Variants in CDH13 observed in about 807,000 individuals in gnomAD.
CDH13 encodes cadherin-13.
Under a neutral mutation model 63.8 loss-of-function variants are expected in CDH13, and 24 were observed. The ratio of observed to expected loss-of-function variants is 0.38; its 90% confidence interval spans 0.27 to 0.53. The LOEUF (loss-of-function observed/expected upper bound fraction) is 0.53, where lower values mean the gene tolerates loss of function less well. CDH13 is among the 20% of genes least tolerant of loss of function. CDH13 has a pLI of 0.85. For missense variants in CDH13, 1,049 were observed against 903.1 expected (o/e 1.16, Z -2.07); for synonymous variants, 503 against 355.3 (o/e 1.42, Z -4.67).
At chr16:83,667,483 C>CCATCCAT (rs1914100477) in intron 8 of CDH13, among the ~76,000 whole-genome samples, 1 of 152,144 alleles carries the variant, frequency 6.6e-6, no homozygotes, top group African/African-American at 2.4e-5. Context: ...GTCCACCCAT[C>CCATCCAT]CATCCATCCG....
intron 3 of CDH13, among the ~76,000 whole-genome samples, chr16:83,075,341 G>T (rs945700419): frequency 1.3e-5 from 2 of 152,208 alleles, no homozygotes; most frequent in East Asian, 3.8e-4. Flanking sequence ...TGTGACAATG[G>T]CATGACCAAG....
chr16:83,569,702 G>C (rs1904395140), intron 7 of CDH13, among the ~76,000 whole-genome samples: 1 of 152,072 alleles, frequency 6.6e-6, no homozygotes. Context: ...CTCTCTGCCT[G>C]TCTGTCTCTC....
At chr16:83,073,953 A>G (rs571242628) in intron 3 of CDH13, among the ~76,000 whole-genome samples, 1 of 152,188 alleles carries the variant, frequency 6.6e-6, no homozygotes, top group African/African-American at 2.4e-5. Flanking sequence ...AATTTAGAAT[A>G]TCCATCATCA....
rs1022589938 is a variant in CDH13, at chr16:83,539,630, T to C, written c.960+52975T>C. 2.0e-5 allele frequency among the ~76,000 whole-genome samples: 3 copies of C among 152,258 alleles called. No homozygotes were observed. The East Asian group carries it at 5.8e-4, about 29-fold the overall frequency. On this transcript the variant is annotated intron_variant, in intron 7 of 13. Coordinates refer to ENST00000567109, the MANE Select transcript of CDH13 (RefSeq NM_001257.5). ...TTGGTAACAGCGATAATGATAATTC[T>C]AGCTGATATTTTCAGAGCATTTTCT...
intron 4 of CDH13, among the ~76,000 whole-genome samples, chr16:83,204,667 G>A (rs1029125269): frequency 1.3e-5 from 2 of 152,250 alleles, no homozygotes; most frequent in South Asian, 4.2e-4. Context: ...GCTAAATACT[G>A]TGTGTGTTAA....
intron 5 of CDH13, among the ~76,000 whole-genome samples, chr16:83,343,852 A>G (rs545475572): frequency 1.3e-5 from 2 of 152,314 alleles, no homozygotes; most frequent in African/African-American, 4.8e-5. Flanking sequence ...CCTCTGTAAA[A>G]AGATCCAAAG....
At chr16:83,331,422 T>A (rs1362764870) in intron 5 of CDH13, among the ~76,000 whole-genome samples, 2 of 152,216 alleles carry the variant, frequency 1.3e-5, no homozygotes, top group Non-Finnish European at 2.9e-5. Flanking sequence ...TTAATGTGTG[T>A]TTCTTTCTCA....
chr16:83,510,736 A>G (rs937462353), intron 7 of CDH13, among the ~76,000 whole-genome samples: 20 of 152,188 alleles, frequency 1.3e-4, no homozygotes, highest in Non-Finnish European at 1.6e-4. Flanking sequence ...GTCTAAGCCA[A>G]AGGGGGTTTG....
intron 1 of CDH13, among the ~76,000 whole-genome samples, chr16:82,739,639 A>T (rs895588403): frequency 6.6e-6 from 1 of 152,220 alleles, no homozygotes; most frequent in Non-Finnish European, 1.5e-5. Flanking sequence ...ATTTGCCTTT[A>T]ATTATTTAAA....
chr16:82,639,465 G>T lies in CDH13; in HGVS notation c.45+12328G>T, dbSNP rs1257529306. 4 of 1,529,200 alleles carry T rather than the reference G, an allele frequency of 2.6e-6. No individual in the cohort carries two copies. The Admixed American group carries it at 5.9e-5, about 22-fold the overall frequency. 94.7% of individuals were successfully genotyped at this position (1,529,200 alleles called of 1,614,324 possible). On this transcript the variant is annotated intron_variant, in intron 1 of 13. Transcript: ENST00000567109. ...ACCCACCTGCAGCTTCAACCATGCA[G>T]GTAAATTTGCCTGCTGCTGTGTCGT...
rs372553475 is a variant in CDH13 at position 83,580,236 on chromosome 16, A to C, written c.961-22218A>C. Among the ~76,000 whole-genome samples the C allele has an allele frequency of 5.9e-5, 9 of 152,084 alleles. No homozygotes were observed. The East Asian group carries it at 1.7e-3, about 29-fold the overall frequency. Reference sequence around the variant, plus strand: ...TGTCAGCAAGATCATTTTAATAAATATGTGCGTGAGGTGATGCTATGGAAC... The same window carrying C: ...TGTCAGCAAGATCATTTTAATAAATCTGTGCGTGAGGTGATGCTATGGAAC... On this transcript the variant is annotated intron_variant, in intron 7 of 13. Coordinates refer to ENST00000567109, the MANE Select transcript of CDH13 (RefSeq NM_001257.5).
chr16:83,217,183 G>A (rs1170341984), intron 4 of CDH13, among the ~76,000 whole-genome samples, 162 bp from the exon 5 acceptor site: 1 of 152,198 alleles, frequency 6.6e-6, no homozygotes, highest in Non-Finnish European at 1.5e-5. Context: ...GCGTTAGGCA[G>A]TGATGCTATT....
intron 1 of CDH13, among the ~76,000 whole-genome samples, chr16:82,823,030 A>G (rs1445532203): frequency 1.3e-5 from 2 of 152,130 alleles, no homozygotes; most frequent in African/African-American, 4.8e-5. Flanking sequence ...GGCTGCCTTG[A>G]CATCTCTCTA....
chr16:83,425,682 G>T (rs977840113), intron 6 of CDH13, among the ~76,000 whole-genome samples: 1 of 152,108 alleles, frequency 6.6e-6, no homozygotes, highest in African/African-American at 2.4e-5. Flanking sequence ...CTCACCTTTA[G>T]AGAAACTTGA....
intron 5 of CDH13, among the ~76,000 whole-genome samples, chr16:83,277,601 A>G (rs1282747805): frequency 2.0e-5 from 3 of 152,106 alleles, no homozygotes; most frequent in East Asian, 1.9e-4. Context: ...CATCCCTCTC[A>G]TATCTCATGT....
chr16:83,409,265 T>G (rs2151454096), intron 6 of CDH13, among the ~76,000 whole-genome samples: 1 of 151,974 alleles, frequency 6.6e-6, no homozygotes, highest in African/African-American at 2.4e-5. Flanking sequence ...GGAGTGGATA[T>G]GCCAATCCCA....
At chr16:82,654,747 T>C (rs984371104) in intron 1 of CDH13, among the ~76,000 whole-genome samples, 1 of 148,250 alleles carries the variant, frequency 6.7e-6, no homozygotes, top group African/African-American at 2.5e-5. Flanking sequence ...TTTTTTTTTT[T>C]CATATTCAGA....
At chr16:83,483,402 T>C (rs964374153) in intron 6 of CDH13, among the ~76,000 whole-genome samples, 3 of 151,974 alleles carry the variant, frequency 2.0e-5, no homozygotes, top group African/African-American at 7.2e-5. Context: ...ATCCAACCTG[T>C]AAACAAAAAG....
At chr16:82,750,704 A>C (rs1567497721) in intron 1 of CDH13, among the ~76,000 whole-genome samples, 1 of 152,252 alleles carries the variant, frequency 6.6e-6, no homozygotes, top group Non-Finnish European at 1.5e-5. Context: ...GAGGTTGGAC[A>C]GAACAGTAAG....
Sources: gnomAD v4.1 joint callset for allele counts (sites outside exome capture counted in the v4.1 genomes callset) on GRCh38, gnomAD v4.1.1 for gene constraint, MANE v1.5 for transcripts, NCBI Gene and HGNC (gene_info 2026-07-23, HGNC 2026-07-21) for gene names.